The following LRMDA variants were observed in gnomAD, a reference collection of about 807,000 sequenced individuals.
LRMDA encodes leucine rich melanocyte differentiation associated, also known as leucine-rich melanocyte differentiation-associated protein.
LRMDA carries 18 observed loss-of-function variants against 29.8 expected under a neutral mutation model. The ratio of observed to expected loss-of-function variants is 0.60; its 90% confidence interval spans 0.42 to 0.90. LRMDA has a LOEUF of 0.90. Among genes scored for constraint, LRMDA ranks in the 40% least tolerant of loss-of-function variants. The probability of loss-of-function intolerance (pLI) is 0.00; values close to 1 mark genes in which losing one functional copy is unlikely to be tolerated. For synonymous variants in LRMDA, 125 were observed against 109.4 expected (o/e 1.14, Z -0.89); for missense variants, 273 against 273.9 (o/e 1.00, Z 0.02).
chr10:75,923,442 C>T (rs1846059989), intron 2 of LRMDA, among the ~76,000 whole-genome samples: 1 of 152,098 alleles, frequency 6.6e-6, no homozygotes, highest in South Asian at 2.1e-4. Context: ...TCAGCGCTGT[C>T]ATAAAAACAG....
At chr10:76,492,186 T>C (rs192091701) in intron 6 of LRMDA, among the ~76,000 whole-genome samples, 7 of 152,236 alleles carry the variant, frequency 4.6e-5, no homozygotes, top group Admixed American at 4.6e-4. Flanking sequence ...TTCTCCAGAA[T>C]TGGTCCCTGG....
chr10:75,446,522 G>T (rs967190481), intron 2 of LRMDA, among the ~76,000 whole-genome samples: 2 of 152,218 alleles, frequency 1.3e-5, no homozygotes, highest in Admixed American at 1.3e-4. Context: ...ACACTGGGCA[G>T]AATCTGTAAG....
Position 75,486,611 on chromosome 10 carries a change from G to A in LRMDA, c.131+48117G>A, listed in dbSNP as rs80286393. On this transcript the variant is annotated intron_variant, in intron 2 of 6. Transcript: ENST00000611255. ...AGTCTTGAAGAGCAAGTAGATGTTA[G>A]GAGCTAGAGAATTTGTAAAGGGGCA... Among the ~76,000 whole-genome samples, 728 of 152,236 alleles carry A rather than the reference G, an allele frequency of 4.8e-3. 3 individuals are homozygous for A. Among genetic ancestry groups the A allele is most frequent in the South Asian group, 7.9e-3 (38 of 4,818 alleles).
intron 2 of LRMDA, among the ~76,000 whole-genome samples, chr10:75,878,383 T>C (rs1240035400): frequency 6.6e-6 from 1 of 151,704 alleles, no homozygotes; most frequent in Non-Finnish European, 1.5e-5. Context: ...AAGGGGGGCA[T>C]GGAGTGGGAA....
intron 2 of LRMDA, among the ~76,000 whole-genome samples, chr10:75,501,467 A>G (rs1845112563): frequency 6.6e-6 from 1 of 152,190 alleles, no homozygotes; most frequent in Non-Finnish European, 1.5e-5. Flanking sequence ...CTATTGAAAG[A>G]GAGGCCAGAA....
rs139472314 is a variant in LRMDA at position 75,974,687 on chromosome 10, G to GCCAAAAGT, written c.132-61319_132-61312dup. 5.8e-3 allele frequency among the ~76,000 whole-genome samples: 880 copies of GCCAAAAGT among 152,146 alleles called. 38 individuals are homozygous for GCCAAAAGT. The East Asian group carries it at 0.13, about 22-fold the overall frequency. On this transcript the variant is annotated intron_variant, in intron 2 of 6. Transcript: ENST00000611255. ...GAGTTGTAGAAAGGTTAAGTTATTT[G>GCCAAAAGT]CCAAAAGTCAGACAGGTAGTGAGCA... is the stretch of plus-strand genomic sequence containing the variant.
chr10:76,287,173 A>G (rs1010506330), intron 5 of LRMDA, among the ~76,000 whole-genome samples: 1 of 144,962 alleles, frequency 6.9e-6, no homozygotes, highest in Non-Finnish European at 1.5e-5. Flanking sequence ...TTATCTCTAC[A>G]TTTTGGTGGT....
rs754827708 is a variant in LRMDA at position 76,320,551 on chromosome 10, A to AT, written c.517-3848dup. Among the ~76,000 whole-genome samples the AT allele has an allele frequency of 2.2e-3, 328 of 152,306 alleles. 1 individual carries two copies. The highest frequency in any genetic ancestry group is 4.5e-3 in the African/African-American group (187 of 41,582). Reference sequence around the variant, plus strand: ...GAATTGTTACAGGAATTTTTCTCTCATTGTGGGTTCATGTCAATATAGGAG... The same window carrying AT: ...GAATTGTTACAGGAATTTTTCTCTCATTTGTGGGTTCATGTCAATATAGGAG... On this transcript the variant is annotated intron_variant, in intron 5 of 6. Transcript: ENST00000611255.
intron 6 of LRMDA, among the ~76,000 whole-genome samples, chr10:76,364,562 C>T (rs1228761234): frequency 6.6e-6 from 1 of 151,618 alleles, no homozygotes; most frequent in Non-Finnish European, 1.5e-5. Flanking sequence ...GCCTTAGGAG[C>T]TTGGTGGGGT....
At chr10:75,754,940 C>T (rs977308510) in intron 2 of LRMDA, among the ~76,000 whole-genome samples, 1 of 151,806 alleles carries the variant, frequency 6.6e-6, no homozygotes, top group African/African-American at 2.4e-5. Context: ...GGAAAACAGT[C>T]TTGTGTATCT....
chr10:75,501,205 T>G (rs1845109271), intron 2 of LRMDA, among the ~76,000 whole-genome samples: 1 of 152,250 alleles, frequency 6.6e-6, no homozygotes, highest in Non-Finnish European at 1.5e-5. Flanking sequence ...GGAGTCAGTT[T>G]ACTCTGTTTT....
At chr10:76,432,835 C>T (rs900516513) in intron 6 of LRMDA, among the ~76,000 whole-genome samples, 2 of 152,124 alleles carry the variant, frequency 1.3e-5, no homozygotes, top group Non-Finnish European at 2.9e-5. Context: ...TTCCACGGGC[C>T]GAGGGCTCAC....
chr10:76,142,021 G>A (rs554530453), intron 5 of LRMDA, among the ~76,000 whole-genome samples: 3 of 152,024 alleles, frequency 2.0e-5, no homozygotes, highest in Admixed American at 2.0e-4. Flanking sequence ...ACTTGGGCTA[G>A]TTTTGGGAGA....
intron 2 of LRMDA, among the ~76,000 whole-genome samples, chr10:75,562,667 C>A (rs893998549): frequency 2.6e-5 from 4 of 152,038 alleles, no homozygotes; most frequent in African/African-American, 9.7e-5. Context: ...GTGGCTGGTA[C>A]CGGTTGTTCT....
chr10:75,802,629 G>C (rs1264436027), intron 2 of LRMDA, among the ~76,000 whole-genome samples: 1 of 150,612 alleles, frequency 6.6e-6, no homozygotes, highest in Non-Finnish European at 1.5e-5. Flanking sequence ...TTTTTTCTTA[G>C]CAATAGCTTC....
At chr10:75,817,449 T>C (rs995439383) in intron 2 of LRMDA, among the ~76,000 whole-genome samples, 2 of 152,246 alleles carry the variant, frequency 1.3e-5, no homozygotes, top group African/African-American at 4.8e-5. Flanking sequence ...TCTTTCCAAC[T>C]CTGTGATTTT....
chr10:75,496,427 T>A (rs2132065172), intron 2 of LRMDA, among the ~76,000 whole-genome samples: 1 of 152,366 alleles, frequency 6.6e-6, no homozygotes, highest in African/African-American at 2.4e-5. Flanking sequence ...AGTTAATTTC[T>A]CTTGTAAGCA....
rs1200998593 is a variant in LRMDA at position 75,431,705 on chromosome 10, C to CCCGCAGCGT, written c.-17_-9dup. The CCCGCAGCGT allele has an allele frequency of 1.2e-5, 16 of 1,314,232 alleles. No homozygotes were observed. The highest frequency in any genetic ancestry group is 2.8e-4 in the Middle Eastern group (1 of 3,542). The allele number at this position is 1,314,232 out of a possible 1,614,324, so 81.4% of individuals were successfully genotyped here. ...GCGCCCCCGCGCTCCGTCCCGCGCGCCCGCAGCGTCCTGGCCGCCATGGCC... is the reference window on the plus strand; with the variant it reads ...GCGCCCCCGCGCTCCGTCCCGCGCGCCCGCAGCGTCCGCAGCGTCCTGGCCGCCATGGCC... On this transcript the variant is annotated 5_prime_UTR_variant, in exon 1 of 7. Coordinates refer to ENST00000611255, the MANE Select transcript of LRMDA (RefSeq NM_001305581.2).
chr10:76,118,856 T>TTG (rs1849712924), intron 5 of LRMDA, among the ~76,000 whole-genome samples: 2 of 149,040 alleles, frequency 1.3e-5, no homozygotes, highest in Non-Finnish European at 3.0e-5. Context: ...TTTTTTTTTT[T>TTG]TTTTTTTTTG....
Sources: allele counts gnomAD v4.1 joint callset (sites outside exome capture counted in the v4.1 genomes callset), GRCh38; gene constraint gnomAD v4.1.1; transcripts MANE v1.5; gene names NCBI Gene and HGNC (gene_info 2026-07-23, HGNC 2026-07-21).